CSMD2: variants seen among roughly 807,000 people sequenced by gnomAD.
CSMD2 encodes the protein CUB and Sushi multiple domains 2.
A neutral mutation model predicts 398.5 loss-of-function variants in CSMD2; 130 were observed. The ratio of observed to expected loss-of-function variants is 0.33; its 90% CI spans 0.28 to 0.38. The LOEUF (loss-of-function observed/expected upper bound fraction) is 0.38, where lower values mean the gene tolerates loss of function less well. CSMD2 is among the 10% of genes least tolerant of loss of function. The pLI is 1.00. For missense variants in CSMD2, 3,829 were observed against 4,764.9 expected, an observed-to-expected ratio of 0.80 and a Z score of 5.78; for synonymous variants, 1,828 against 1,908.5, an observed-to-expected ratio of 0.96 and a Z score of 1.10.
At chr1:33,914,769 G>A (rs1246230950) in intron 5 of CSMD2, among the ~76,000 whole-genome samples, 1 of 152,192 alleles carries the variant, frequency 6.6e-6, no homozygotes, top group Non-Finnish European at 1.5e-5. Context: ...TGTTATTTAT[G>A]TGTGCTCCCC....
chr1:34,070,641 A>G (rs768941983), intron 2 of CSMD2, among the ~76,000 whole-genome samples: 1 of 152,236 alleles, frequency 6.6e-6, no homozygotes, highest in Admixed American at 6.5e-5. Flanking sequence ...GCTTTGCGGT[A>G]GTGGATACAA....
intron 4 of CSMD2, among the ~76,000 whole-genome samples, chr1:33,928,816 A>G (rs1053658547): frequency 1.3e-5 from 2 of 152,200 alleles, no homozygotes; most frequent in African/African-American, 4.8e-5. Context: ...CACCCGGCAT[A>G]GTGTTTAGTG....
intron 15 of CSMD2, among the ~76,000 whole-genome samples, chr1:33,730,341 G>T (rs1186094276): frequency 1.3e-5 from 2 of 152,204 alleles, no homozygotes; most frequent in Non-Finnish European, 2.9e-5. Context: ...GGAGGGAACA[G>T]GGTAGAGAAG....
At chr1:34,031,067 A>G (rs1270930491) in intron 3 of CSMD2, among the ~76,000 whole-genome samples, 1 of 151,814 alleles carries the variant, frequency 6.6e-6, no homozygotes, top group African/African-American at 2.4e-5. Flanking sequence ...GACAAAAATC[A>G]CAGGCTTGAT....
chr1:33,524,738 G>T, intron 66 of CSMD2, 144 bp downstream of exon 66: 1 of 734,808 alleles, frequency 1.4e-6, no homozygotes, highest in Non-Finnish European at 2.2e-6. Context: ...ATCATGTAAA[G>T]ATGAATAGAC....
In CSMD2 at chr1:34,069,283, G is replaced by A. The variant is rs77619390; in HGVS notation, c.404+19694C>T. ...CCCCCCATGTACAAAGCAGTGTGCTGAGGTCTCTGTCTGCAGTGGTGAACA... is the reference window on the plus strand; with the variant it reads ...CCCCCCATGTACAAAGCAGTGTGCTAAGGTCTCTGTCTGCAGTGGTGAACA... On this transcript the variant is annotated intron_variant, in intron 2 of 70. Coordinates refer to ENST00000373381, the MANE Select transcript of CSMD2 (RefSeq NM_001281956.2). Among the ~76,000 whole-genome samples the A allele has an allele frequency of 7.6e-4, 116 of 152,292 alleles. 3 individuals are homozygous for A. The East Asian group carries it at 0.021, about 28-fold the overall frequency.
At chr1:33,829,183 A>G (rs1483554482) in intron 6 of CSMD2, among the ~76,000 whole-genome samples, 2 of 152,134 alleles carry the variant, frequency 1.3e-5, no homozygotes, top group Admixed American at 6.5e-5. Flanking sequence ...TCTGCATACC[A>G]ACAACACAAA....
intron 3 of CSMD2, among the ~76,000 whole-genome samples, chr1:34,020,050 A>T (rs1018150544): frequency 6.6e-6 from 1 of 152,230 alleles, no homozygotes; most frequent in African/African-American, 2.4e-5. Flanking sequence ...GAGAAGGACA[A>T]TAAGCAAATA....
chr1:33,672,281 C>T (rs2149032979), intron 25 of CSMD2, among the ~76,000 whole-genome samples: 1 of 152,352 alleles, frequency 6.6e-6, no homozygotes, highest in Non-Finnish European at 1.5e-5. Flanking sequence ...TAATACTGCG[C>T]TTTTCCAATG....
chr1:33,950,383 C>CAGAGAGAGAGAGAGAGAGAGAGAGAG (rs3045848), intron 3 of CSMD2, among the ~76,000 whole-genome samples: 4 of 133,816 alleles, frequency 3.0e-5, no homozygotes, highest in African/African-American at 8.8e-5. Context: ...TCTCCTCCAG[C>CAGAGAGAGAGAGAGAGAGAGAGAGAG]AGAGAGAGAG....
intron 12 of CSMD2, among the ~76,000 whole-genome samples, chr1:33,782,502 C>A (rs188318168): frequency 6.6e-6 from 1 of 152,144 alleles, no homozygotes; most frequent in Non-Finnish European, 1.5e-5. Flanking sequence ...GAGACTGGCA[C>A]ACAGGGAGTC....
At chr1:33,587,193 C>G (rs779642781) in intron 44 of CSMD2, 25 bp from the exon 45 acceptor site, 96 of 1,546,090 alleles carry the variant, frequency 6.2e-5, no homozygotes, top group Middle Eastern at 3.4e-4. Flanking sequence ...GCAGGCAAGT[C>G]AGGGTAAGAT....
intron 25 of CSMD2, among the ~76,000 whole-genome samples, chr1:33,690,838 C>A (rs1339355314): frequency 6.6e-6 from 1 of 152,168 alleles, no homozygotes; most frequent in Non-Finnish European, 1.5e-5. Context: ...AAAGATGAAT[C>A]AGGCAGAGAC....
intron 59 of CSMD2, 36 bp from the exon 60 acceptor site, chr1:33,540,734 T>C (rs1319026547): frequency 6.2e-7 from 1 of 1,610,406 alleles, no homozygotes; most frequent in Admixed American, 1.7e-5. Context: ...GTTCTGATGC[T>C]GTCCTGGGAA....
intron 2 of CSMD2, among the ~76,000 whole-genome samples, chr1:34,041,471 C>T (rs764114325): frequency 6.6e-6 from 1 of 152,186 alleles, no homozygotes; most frequent in Non-Finnish European, 1.5e-5. Flanking sequence ...ACATTTCTTC[C>T]ACCCAAGTGA....
intron 3 of CSMD2, among the ~76,000 whole-genome samples, chr1:33,970,574 A>T (rs1645725008): frequency 6.6e-6 from 1 of 152,154 alleles, no homozygotes; most frequent in Non-Finnish European, 1.5e-5. Flanking sequence ...GAAAGATCAG[A>T]TGCCCACTCA....
intron 1 of CSMD2, among the ~76,000 whole-genome samples, chr1:34,110,805 A>G (rs1344457734): frequency 2.0e-5 from 3 of 152,328 alleles, no homozygotes; most frequent in Non-Finnish European, 4.4e-5. Flanking sequence ...TAGGCTTAAT[A>G]TCTAGGTGAC....
intron 3 of CSMD2, among the ~76,000 whole-genome samples, chr1:33,943,838 C>A (rs115237305): frequency 0.012 from 1,804 of 150,958 alleles, 39 homozygotes; most frequent in African/African-American, 0.041. Context: ...TGGCAGGAAG[C>A]GAGTGCTTAG....
intron 42 of CSMD2, among the ~76,000 whole-genome samples, chr1:33,603,170 C>T (rs192319278): frequency 8.7e-4 from 133 of 152,182 alleles, no homozygotes; most frequent in Admixed American, 1.9e-3. Flanking sequence ...TGAGGTGAAA[C>T]GATGCAGGCA....
Sources: gnomAD v4.1 joint callset for allele counts (sites outside exome capture counted in the v4.1 genomes callset) on GRCh38, gnomAD v4.1.1 for gene constraint, MANE v1.5 for transcripts, NCBI Gene and HGNC (gene_info 2026-07-23, HGNC 2026-07-21) for gene names.